Variants in IGDCC4 observed in about 807,000 individuals in gnomAD.
IGDCC4 encodes the protein likely ortholog of mouse neighbor of Punc E11.
A neutral mutation model predicts 116.6 loss-of-function variants in IGDCC4; 72 were observed. The observed-to-expected ratio is 0.62, with a 90% confidence interval of 0.51 to 0.75. The LOEUF (loss-of-function observed/expected upper bound fraction) is 0.75. Ranked by LOEUF, IGDCC4 falls within the 30% of genes least tolerant of loss-of-function variation. IGDCC4 has a pLI of 0.00. For missense variants in IGDCC4, 1,501 were observed against 1,662.4 expected, an observed-to-expected ratio of 0.90 and a Z score of 1.69; for synonymous variants, 709 against 719.9, an observed-to-expected ratio of 0.98 and a Z score of 0.24.
intron 8 of IGDCC4, 68 bp from the exon 9 acceptor site, chr15:65,394,616 A>G: frequency 6.8e-7 from 1 of 1,479,340 alleles, no homozygotes. Context: ...GGGAGCGGTC[A>G]GAGACTTGCC....
chr15:65,399,447 C>CAAAAAAAAAAAAAAAAA (rs112040935), intron 5 of IGDCC4, among the ~76,000 whole-genome samples: 2 of 71,182 alleles, frequency 2.8e-5, no homozygotes, highest in Non-Finnish European at 3.3e-5. Flanking sequence ...GGGTGACAGG[C>CAAAAAAAAAAAAAAAAA]AAAAAAAAAA....
chr15:65,403,006 T>A (rs1231012417), intron 3 of IGDCC4, among the ~76,000 whole-genome samples: 1 of 152,170 alleles, frequency 6.6e-6, no homozygotes, highest in Non-Finnish European at 1.5e-5. Flanking sequence ...CCATACACCA[T>A]CTGTCCAGGG....
intron 17 of IGDCC4, 80 bp downstream of exon 17, chr15:65,386,471 G>C: frequency 8.0e-7 from 1 of 1,248,806 alleles, no homozygotes; most frequent in Non-Finnish European, 1.1e-6. Flanking sequence ...GCAAGTCATG[G>C]CCACTTTCCC....
At chr15:65,390,399 T>G (rs576820176) in intron 12 of IGDCC4, 61 bp from the exon 13 acceptor site, 5 of 1,403,332 alleles carry the variant, frequency 3.6e-6, no homozygotes, top group African/African-American at 2.8e-5. Context: ...TAAATATGTA[T>G]AGTGGTTTAC....
intron 4 of IGDCC4, 113 bp downstream of exon 4, chr15:65,402,238 T>C (rs2140218947): frequency 1.6e-6 from 2 of 1,255,380 alleles, no homozygotes. Flanking sequence ...TCAATGGGAC[T>C]AACATTTATC....
chr15:65,411,304 A>G lies in IGDCC4; in HGVS notation c.137T>C (p.Ile46Thr), dbSNP rs1389867305. The G allele has an allele frequency of 3.7e-6, 6 of 1,610,076 alleles. No individual in the cohort carries two copies. In the East Asian group the frequency reaches 1.3e-4, roughly 36 times the overall value. The change falls in exon 2 of 20, where the codon ATC (isoleucine) becomes ACC (threonine). Residue 46 changes from isoleucine (I) to threonine (T), a missense_variant. Around this residue, in one of 3 missense-constraint regions of IGDCC4, gnomAD observed 898 missense variants for 978.9 expected, o/e 0.92. Coordinates refer to ENST00000352385, the MANE Select transcript of IGDCC4 (RefSeq NM_020962.3). The part of the protein sequence containing the change: ...LSCGVGPLQV[I>T]LGPEQAAVLN... The stretch of plus-strand genomic sequence containing the variant: ...CACTGCAGCCTGCTCTGGGCCCAGG[A>G]TCACTTGCAGTGGCCCCACTCCACA...
At chr15:65,403,600 C>A (rs540222426) in intron 3 of IGDCC4, among the ~76,000 whole-genome samples, 89 of 152,268 alleles carry the variant, frequency 5.8e-4, no homozygotes, top group Non-Finnish European at 1.1e-3. Context: ...TTCCCAGGAT[C>A]TCACAGGTGG....
intron 1 of IGDCC4, among the ~76,000 whole-genome samples, chr15:65,418,796 G>C (rs2140244140): frequency 6.6e-6 from 1 of 152,216 alleles, no homozygotes; most frequent in Non-Finnish European, 1.5e-5. Flanking sequence ...TCTGGTTGCT[G>C]TACCATGGGA....
intron 10 of IGDCC4, among the ~76,000 whole-genome samples, chr15:65,392,693 C>T (rs944912267): frequency 4.6e-5 from 7 of 152,238 alleles, no homozygotes; most frequent in African/African-American, 9.6e-5. Context: ...CAGAATCGGC[C>T]TCTGTGAAGT....
intron 1 of IGDCC4, among the ~76,000 whole-genome samples, chr15:65,415,020 A>G (rs2063130157): frequency 6.6e-6 from 1 of 152,210 alleles, no homozygotes; most frequent in Non-Finnish European, 1.5e-5. Context: ...GGCACTTTGT[A>G]ACTATAAAGG....
chr15:65,387,240 T>C (rs978038997), intron 16 of IGDCC4, among the ~76,000 whole-genome samples: 1 of 152,202 alleles, frequency 6.6e-6, no homozygotes, highest in Non-Finnish European at 1.5e-5. Flanking sequence ...TTGTCCAGGC[T>C]GGTCTCCAAC....
chr15:65,411,729 A>C (rs1054052611), intron 1 of IGDCC4, among the ~76,000 whole-genome samples: 5 of 152,254 alleles, frequency 3.3e-5, no homozygotes, highest in Non-Finnish European at 7.3e-5. Flanking sequence ...GAAGCCAATC[A>C]TAAGATGCCA....
In IGDCC4 at chr15:65,396,821, C is replaced by T. The variant is rs1198880096; in HGVS notation, c.997+13G>A. Reference sequence around the variant, plus strand: ...CAGCTAACCCGCTCCCTCCGCCCTTCGGCCCGCCTCACCCAGCACACGGAG... The same window carrying T: ...CAGCTAACCCGCTCCCTCCGCCCTTTGGCCCGCCTCACCCAGCACACGGAG... On this transcript the variant is annotated intron_variant, in intron 6 of 19. Transcript: ENST00000352385. The T allele has an allele frequency of 1.3e-6, 2 of 1,557,534 alleles. No individual in the cohort carries two copies. Among genetic ancestry groups the T allele is most frequent in the East Asian group, 2.4e-5 (1 of 41,548 alleles).
chr15:65,418,860 C>T (rs1216878472), intron 1 of IGDCC4, among the ~76,000 whole-genome samples: 1 of 152,000 alleles, frequency 6.6e-6, no homozygotes, highest in East Asian at 1.9e-4. Context: ...TTCCAGAGCC[C>T]AGATAGACCC....
At chr15:65,409,752 T>A (rs570711736) in intron 3 of IGDCC4, among the ~76,000 whole-genome samples, 5 of 152,290 alleles carry the variant, frequency 3.3e-5, no homozygotes, top group African/African-American at 9.6e-5. Flanking sequence ...AAGTTATGCA[T>A]CTAGAGTGGA....
At chr15:65,415,103 A>G (rs2140238935) in intron 1 of IGDCC4, among the ~76,000 whole-genome samples, 1 of 152,296 alleles carries the variant, frequency 6.6e-6, no homozygotes, top group Admixed American at 6.5e-5. Context: ...GCCATGATTC[A>G]AGTACAGGGT....
chr15:65,422,464 G>C (rs1259708407), intron 1 of IGDCC4, among the ~76,000 whole-genome samples: 2 of 146,238 alleles, frequency 1.4e-5, no homozygotes, highest in African/African-American at 5.1e-5. Context: ...TACCCGCCCC[G>C]CCGATGCCAC....
At chr15:65,398,305 G>A (rs1299544050) in intron 5 of IGDCC4, among the ~76,000 whole-genome samples, 5 of 151,946 alleles carry the variant, frequency 3.3e-5, no homozygotes, top group African/African-American at 1.2e-4. Flanking sequence ...AGGCCAAGGC[G>A]GGTGGATCAC....
At position 65,411,108 on chromosome 15, in the gene IGDCC4, A is replaced by G. The variant is rs1460534355; in HGVS notation, c.333T>C (p.Ala111=). ...AATAGTTGCCTTCAATGACCCCCAC[A>G]GCCTCAGGGACTGACTCGTCACTGC... The part of the protein sequence containing the change: ...PNGSDESVPE[A]VGVIEGNYSC... The change falls in exon 2 of 20, where the codon GCT becomes GCC. Residue 111 remains alanine, a synonymous_variant. Transcript: ENST00000352385. 1 of 1,614,236 alleles carries G rather than the reference A, an allele frequency of 6.2e-7. No individual in the cohort carries two copies. The highest frequency in any genetic ancestry group is 8.5e-7 in the Non-Finnish European group (1 of 1,180,048).
Sources: allele counts gnomAD v4.1 joint callset (sites outside exome capture counted in the v4.1 genomes callset), GRCh38; gene constraint gnomAD v4.1.1; regional missense constraint gnomAD v4.1.1; transcripts MANE v1.5; gene names NCBI Gene and HGNC (gene_info 2026-07-23, HGNC 2026-07-21).